The following LRP2 variants were observed in gnomAD, a reference collection of about 807,000 sequenced individuals.
The protein encoded by LRP2 is low-density lipoprotein receptor-related protein 2.
A neutral mutation model predicts 531.0 loss-of-function variants in LRP2; 172 were observed. The observed-to-expected ratio is 0.32, with a 90% CI of 0.29 to 0.37. LRP2 has a LOEUF of 0.37. Among genes scored for constraint, LRP2 ranks in the 10% least tolerant of loss-of-function variants. The probability of loss-of-function intolerance (pLI) is 1.00; values close to 1 mark genes in which losing one functional copy is unlikely to be tolerated. For synonymous variants in LRP2, 1,992 were observed against 2,027.6 expected (o/e 0.98, Z 0.47); for missense variants, 5,167 against 5,868.3 (o/e 0.88, Z 3.90).
At chr2:169,307,427 T>C (rs755435662) in intron 3 of LRP2, 30 bp from the exon 4 acceptor site, 1 of 1,235,868 alleles carries the variant, frequency 8.1e-7, no homozygotes, top group Admixed American at 1.7e-5. Context: ...TTACTTAATT[T>C]ATAATTATTG....
chr2:169,184,976 G>T (rs1033960436), intron 50 of LRP2, among the ~76,000 whole-genome samples: 1 of 152,054 alleles, frequency 6.6e-6, no homozygotes, highest in Non-Finnish European at 1.5e-5. Context: ...GCCCAGGCTG[G>T]TCTTGAACTT....
At chr2:169,235,074 C>G (rs1294462575) in intron 29 of LRP2, among the ~76,000 whole-genome samples, 1 of 151,808 alleles carries the variant, frequency 6.6e-6, no homozygotes, top group East Asian at 1.9e-4. Context: ...CCATGCCCAG[C>G]TAATTTTTGT....
chr2:169,234,521 A>G (rs964685122), intron 29 of LRP2, among the ~76,000 whole-genome samples: 10 of 152,204 alleles, frequency 6.6e-5, no homozygotes, highest in African/African-American at 1.4e-4. Flanking sequence ...GTATATGTCT[A>G]TCATTAATGG....
intron 4 of LRP2, among the ~76,000 whole-genome samples, chr2:169,297,056 T>C (rs1684150866): frequency 6.6e-6 from 1 of 152,158 alleles, no homozygotes; most frequent in Non-Finnish European, 1.5e-5. Context: ...ATAGGAAAGA[T>C]TGCACAGAGC....
Position 169,240,984 on chromosome 2 carries a change from T to C in LRP2, c.4045+4A>G. The C allele has an allele frequency of 6.2e-7, 1 of 1,611,730 alleles. No individual in the cohort carries two copies. Among genetic ancestry groups the C allele is most frequent in the Non-Finnish European group, 8.5e-7 (1 of 1,180,018 alleles). On this transcript the variant is annotated splice_donor_region_variant and intron_variant, in intron 25 of 78. Transcript: ENST00000649046. Reference sequence around the variant, plus strand: ...GGCCAGTAAACTGTGGTCAGGAAACTTACTGCAAAGTGGGGACTCATCTGT... The same window carrying C: ...GGCCAGTAAACTGTGGTCAGGAAACCTACTGCAAAGTGGGGACTCATCTGT...
intron 52 of LRP2, among the ~76,000 whole-genome samples, chr2:169,178,919 T>C (rs774414993): frequency 8.5e-5 from 13 of 152,156 alleles, no homozygotes; most frequent in Non-Finnish European, 1.6e-4. Flanking sequence ...ATAGGAAAAC[T>C]TGAAGATGTG....
intron 1 of LRP2, among the ~76,000 whole-genome samples, chr2:169,356,140 C>T (rs1029125273): frequency 6.6e-6 from 1 of 152,196 alleles, no homozygotes; most frequent in Non-Finnish European, 1.5e-5. Context: ...AATCCGCTCA[C>T]CTCAGACTCC....
intron 45 of LRP2, 66 bp from the exon 46 acceptor site, chr2:169,197,096 A>G: frequency 6.3e-7 from 1 of 1,576,544 alleles, no homozygotes; most frequent in Non-Finnish European, 8.7e-7. Flanking sequence ...AGTCTTAACA[A>G]TCTGCCTCTA....
intron 31 of LRP2, among the ~76,000 whole-genome samples, chr2:169,230,553 G>A (rs1290060793): frequency 6.6e-6 from 1 of 152,122 alleles, no homozygotes; most frequent in Admixed American, 6.5e-5. Flanking sequence ...TTAGGAATAT[G>A]TGATCATTAA....
intron 1 of LRP2, among the ~76,000 whole-genome samples, chr2:169,357,638 T>A (rs1439036398): frequency 6.6e-6 from 1 of 152,092 alleles, no homozygotes; most frequent in Non-Finnish European, 1.5e-5. Flanking sequence ...CTCAGCACCT[T>A]CTACTTTCTA....
chr2:169,224,027 C>T (rs1234263625), intron 33 of LRP2, among the ~76,000 whole-genome samples: 1 of 152,230 alleles, frequency 6.6e-6, no homozygotes, highest in Non-Finnish European at 1.5e-5. Flanking sequence ...ATGGGGGATA[C>T]ATTCCAAGAT....
At chr2:169,337,114 T>G (rs937307536) in intron 1 of LRP2, among the ~76,000 whole-genome samples, 2 of 152,112 alleles carry the variant, frequency 1.3e-5, no homozygotes, top group African/African-American at 2.4e-5. Flanking sequence ...TGGCCAGAGT[T>G]TCCATGGCTC....
intron 13 of LRP2, among the ~76,000 whole-genome samples, chr2:169,277,389 G>A (rs957348333): frequency 6.6e-6 from 1 of 152,054 alleles, no homozygotes; most frequent in Non-Finnish European, 1.5e-5. Flanking sequence ...TTGGGGGAAG[G>A]TTAGAAAATT....
intron 77 of LRP2, among the ~76,000 whole-genome samples, chr2:169,131,647 G>A (rs952117023): frequency 6.6e-6 from 1 of 152,094 alleles, no homozygotes; most frequent in African/African-American, 2.4e-5. Context: ...GATTTCTGGG[G>A]TCACACTGAA....
chr2:169,285,704 T>C (rs1323242416), intron 9 of LRP2, among the ~76,000 whole-genome samples: 1 of 152,142 alleles, frequency 6.6e-6, no homozygotes, highest in East Asian at 1.9e-4. Flanking sequence ...TGCACCACGA[T>C]GTCATTCTGT....
intron 1 of LRP2, among the ~76,000 whole-genome samples, chr2:169,359,062 G>T (rs903838273): frequency 2.0e-5 from 3 of 151,768 alleles, no homozygotes; most frequent in African/African-American, 4.8e-5. Context: ...TTACTTTAAG[G>T]GTTGATAAAT....
rs1169871598 is a variant in LRP2, at chr2:169,216,373, A to G, written c.5706T>C (p.Ser1902=). ...TCACAGATGTGCCATCCATGTTAGC[A>G]CTGGCGATCTTGGCAGGAACCCCAC... is the stretch of plus-strand genomic sequence containing the variant. ...TDSGVPAKIA[S]ANMDGTSVKT... is the part of the protein sequence containing the mutation. The change falls in exon 35 of 79, where the codon AGT becomes AGC. Residue 1902 remains serine, a synonymous_variant. Coordinates refer to ENST00000649046, the MANE Select transcript of LRP2 (RefSeq NM_004525.3). 1.2e-6 allele frequency: 2 copies of G among 1,613,658 alleles called. No homozygotes were observed. Among genetic ancestry groups the G allele is most frequent in the South Asian group, 2.2e-5 (2 of 91,076 alleles).
chr2:169,230,131 C>T (rs1328740643), intron 31 of LRP2, among the ~76,000 whole-genome samples: 2 of 152,202 alleles, frequency 1.3e-5, no homozygotes, highest in African/African-American at 4.8e-5. Context: ...TAACACTTAT[C>T]AATCATCATC....
chr2:169,263,476 C>A (rs1690657025), intron 16 of LRP2, among the ~76,000 whole-genome samples: 2 of 150,792 alleles, frequency 1.3e-5, no homozygotes, highest in Admixed American at 1.3e-4. Context: ...ATTTATGCAG[C>A]CAAAAAACAC....
Sources: allele counts gnomAD v4.1 joint callset (sites outside exome capture counted in the v4.1 genomes callset), GRCh38; gene constraint gnomAD v4.1.1; transcripts MANE v1.5; gene names NCBI Gene and HGNC (gene_info 2026-07-23, HGNC 2026-07-21).